Variants in IFT172 observed in about 807,000 individuals in gnomAD.
IFT172 encodes intraflagellar transport 172.
Under a neutral mutation model 248.9 loss-of-function variants are expected in IFT172, and 164 were observed. The observed-to-expected ratio is 0.66, with a 90% CI of 0.58 to 0.75. IFT172 has a LOEUF of 0.75. IFT172 is among the 30% of genes least tolerant of loss of function. IFT172 has a pLI of 0.00. For synonymous variants in IFT172, 729 were observed against 791.6 expected (o/e 0.92, Z 1.33); for missense variants, 1,950 against 2,192.4 (o/e 0.89, Z 2.21).
At chr2:27,462,658 C>G in intron 20 of IFT172, 43 bp downstream of exon 20, 1 of 1,538,448 alleles carries the variant, frequency 6.5e-7, no homozygotes, top group Non-Finnish European at 9.0e-7. Context: ...CTCTCTTTTT[C>G]CCTCATATCC....
rs866961042 is a variant in IFT172, at chr2:27,477,678, G to A, written c.1168-66C>T. 48 of 1,122,476 alleles carry A rather than the reference G, an allele frequency of 4.3e-5. No homozygotes were observed. The Middle Eastern group carries it at 2.3e-3, about 54-fold the overall frequency. 69.5% of individuals were successfully genotyped at this position (1,122,476 alleles called of 1,614,324 possible). ...CCCAAGATAATGCCGAAAGAATGAA[G>A]AATGACAGGTTGGGAAGTGGAAAGA... is the stretch of plus-strand genomic sequence containing the variant. On this transcript the variant is annotated intron_variant, in intron 11 of 47. Coordinates refer to ENST00000260570, the MANE Select transcript of IFT172 (RefSeq NM_015662.3).
At chr2:27,488,757 C>T (rs1260893102) in intron 1 of IFT172, among the ~76,000 whole-genome samples, 2 of 152,088 alleles carry the variant, frequency 1.3e-5, no homozygotes, top group African/African-American at 2.4e-5. Context: ...GTGAGTGCTC[C>T]GAGACATTGT....
At chr2:27,459,581 A>C (rs1019411648) in intron 24 of IFT172, 59 bp from the exon 25 acceptor site, 1 of 1,607,080 alleles carries the variant, frequency 6.2e-7, no homozygotes, top group Non-Finnish European at 8.5e-7. Flanking sequence ...GAATGGAGGT[A>C]AAAGGACCCT....
In IFT172 at chr2:27,463,168, A is replaced by C; in HGVS notation, c.1951T>G (p.Leu651Val). The change falls in exon 19 of 48, where the codon TTG becomes GTG. Residue 651 changes from leucine to valine, a missense_variant. Coordinates refer to ENST00000260570, the MANE Select transcript of IFT172 (RefSeq NM_015662.3). The stretch of plus-strand genomic sequence containing the variant: ...AATCGAGCTTTTGCTACTTGGCCCA[A>C]AGCAGAAAAGCACCTATGGCATGGA... ...LHIAERCFSA[L>V]GQVAKARFLH... 6.2e-7 allele frequency: 1 copy of C among 1,614,166 alleles called. No individual in the cohort carries two copies. Among genetic ancestry groups the C allele is most frequent in the African/African-American group, 1.3e-5 (1 of 75,048 alleles).
chr2:27,471,039 G>A lies in IFT172; in HGVS notation c.1581C>T (p.Ser527=). 1 of 1,613,536 alleles carries A rather than the reference G, an allele frequency of 6.2e-7. No individual in the cohort carries two copies. The highest frequency in any genetic ancestry group is 8.5e-7 in the Non-Finnish European group (1 of 1,179,856). The change falls in exon 16 of 48, where the codon TCC becomes TCT. Residue 527 remains serine (S), a synonymous_variant. Transcript: ENST00000260570. ...CACTTCCTGGGACCCACTGCATATAGGAGCAGAAGTTGAGGATCATTGTCT... is the reference window on the plus strand; with the variant it reads ...CACTTCCTGGGACCCACTGCATATAAGAGCAGAAGTTGAGGATCATTGTCT... ...CSKTMILNFC[S]YMQWVPGSDV...
intron 35 of IFT172, among the ~76,000 whole-genome samples, chr2:27,451,768 AAAACAAACAAACAAAAT>A (rs932595257): frequency 6.6e-6 from 1 of 152,114 alleles, no homozygotes; most frequent in African/African-American, 2.4e-5. Context: ...TCCGTCTCAA[AAAACAAACAAACAAAAT>A]AAACAAACAA....
At position 27,479,607 on chromosome 2, in the gene IFT172, A is replaced by G; in HGVS notation, c.910-3T>C. 1 of 1,586,470 alleles carries G rather than the reference A, an allele frequency of 6.3e-7. No individual in the cohort carries two copies. The highest frequency in any genetic ancestry group is 1.1e-5 in the South Asian group (1 of 90,494). The stretch of plus-strand genomic sequence containing the variant: ...TCCACCCCACCACATAGTGTGCCCT[A>G]GAAGGGAAAGTGACAGCATAAAAGG... On this transcript the variant is annotated splice_polypyrimidine_tract_variant and splice_region_variant and intron_variant, in intron 9 of 47. Coordinates refer to ENST00000260570, the MANE Select transcript of IFT172 (RefSeq NM_015662.3).
chr2:27,477,654 C>G (rs1169852285), intron 11 of IFT172, 42 bp from the exon 12 acceptor site: 2 of 1,309,206 alleles, frequency 1.5e-6, no homozygotes, highest in African/African-American at 2.9e-5. Flanking sequence ...GGATAAATAC[C>G]CAAGATAATG....
At position 27,459,753 on chromosome 2, in the gene IFT172, C is replaced by T; in HGVS notation, c.2598G>A (p.Gln866=). 2 of 1,613,058 alleles carry T rather than the reference C, an allele frequency of 1.2e-6. No individual in the cohort carries two copies. Among genetic ancestry groups the T allele is most frequent in the Non-Finnish European group, 1.7e-6 (2 of 1,180,030 alleles). ...LEEAWGDHLV[Q]QKQLDAAINH... ...TAATGGCTGCATCAAGCTGCTTCTG[C>T]TGCACCAGGTGGTCCCCCCATGCCT... The change falls in exon 24 of 48, where the codon CAG becomes CAA. Residue 866 remains glutamine (Q), a synonymous_variant. Coordinates refer to ENST00000260570, the MANE Select transcript of IFT172 (RefSeq NM_015662.3).
At position 27,445,346 on chromosome 2, in the gene IFT172, G is replaced by C; in HGVS notation, c.5018C>G (p.Ser1673Cys). The change falls in exon 46 of 48, where the codon TCC becomes TGC. Residue 1673 changes from serine to cysteine, a missense_variant. Transcript: ENST00000260570. The surrounding 1 kb of genome is among the most constrained non-coding windows in gnomAD (Gnocchi z 4.4). The stretch of plus-strand genomic sequence containing the variant: ...AACACCAGTGCTCGCTGCCACTAGG[G>C]AGGCCTCGTAGGCGCCACGCTCATC... ...PRDERGAYEA[S>C]LVAASTGVRA... 4 of 1,613,472 alleles carry C rather than the reference G, an allele frequency of 2.5e-6. No individual in the cohort carries two copies. The South Asian group carries it at 3.3e-5, about 13-fold the overall frequency.
chr2:27,445,523 G>C lies in IFT172; in HGVS notation c.4915-74C>G, dbSNP rs1474741405. 3.3e-6 allele frequency: 5 copies of C among 1,508,064 alleles called. No homozygotes were observed. Among genetic ancestry groups the C allele is most frequent in the Non-Finnish European group, 4.5e-6 (5 of 1,113,190 alleles). The allele number at this position is 1,508,064 out of a possible 1,614,324, so 93.4% of individuals were successfully genotyped here. A position where few individuals can be genotyped will look rare whatever the true frequency, so the allele number is the denominator to read the frequency against. On this transcript the variant is annotated intron_variant, in intron 45 of 47. Transcript: ENST00000260570. The surrounding 1 kb of genome is among the most constrained non-coding windows in gnomAD (Gnocchi z 4.4). ...ACAAGTTGGGGTGGATGGGTGAGGAGGGGGTTTGCTAAGCCCTCATCCTGT... is the reference window on the plus strand; with the variant it reads ...ACAAGTTGGGGTGGATGGGTGAGGACGGGGTTTGCTAAGCCCTCATCCTGT...
chr2:27,463,522 CTT>C (rs1666843457), intron 18 of IFT172, among the ~76,000 whole-genome samples: 2 of 137,878 alleles, frequency 1.5e-5, no homozygotes. Flanking sequence ...TTTTGTGATT[CTT>C]TTCTCTTTTT....
At position 27,483,641 on chromosome 2, in the gene IFT172, T is replaced by C. The variant is rs760582917; in HGVS notation, c.421A>G (p.Lys141Glu). The change falls in exon 6 of 48, where the codon AAA becomes GAA. Residue 141 changes from lysine (K) to glutamate (E), a missense_variant. Physicochemically the swap from Lys to Glu is moderately conservative, Grantham distance 56 (BLOSUM62 1). Around this residue, in one of 3 missense-constraint regions of IFT172, gnomAD observed 1,166 missense variants for 1,254.1 expected, o/e 0.93. Transcript: ENST00000260570. ...TAGATGGTAGATGATTTATTAGTTTTGGTGTTTGCTAAACGAACCTGAAAA... is the reference window on the plus strand; with the variant it reads ...TAGATGGTAGATGATTTATTAGTTTCGGTGTTTGCTAAACGAACCTGAAAA... ...AEGKVRLANTKTNKSSTIYGT... is the reference protein window; with the variant it reads ...AEGKVRLANTETNKSSTIYGT... 1.2e-6 allele frequency: 2 copies of C among 1,614,210 alleles called. No homozygotes were observed. Among genetic ancestry groups the C allele is most frequent in the Admixed American group, 3.3e-5 (2 of 60,020 alleles).
At chr2:27,473,825 G>A (rs538536943) in intron 14 of IFT172, among the ~76,000 whole-genome samples, 1 of 151,002 alleles carries the variant, frequency 6.6e-6, no homozygotes, top group East Asian at 1.9e-4. Context: ...TTTTTCCCCC[G>A]AGACAGAGTT....
In IFT172 at chr2:27,454,425, GGA is replaced by G. The variant is rs773373497; in HGVS notation, c.3466-9_3466-8del. ...CAGCCTCTTCGAATTTACCCTACAG[GGA>G]GAGAAAGGCAGCCGTGCATGATGAG... On this transcript the variant is annotated splice_region_variant and splice_polypyrimidine_tract_variant and intron_variant, in intron 31 of 47. Transcript: ENST00000260570. This position sits in a 1 kb window ranked among gnomAD's most constrained non-coding sequence, Gnocchi z 4.2. 8.7e-6 allele frequency: 14 copies of G among 1,614,146 alleles called. No individual in the cohort carries two copies. The highest frequency in any genetic ancestry group is 1.2e-5 in the Non-Finnish European group (14 of 1,180,046).
chr2:27,468,184 A>G (rs1667262685), intron 16 of IFT172, among the ~76,000 whole-genome samples: 2 of 151,372 alleles, frequency 1.3e-5, no homozygotes, highest in South Asian at 4.2e-4. Flanking sequence ...AATTATATCT[A>G]GACACATTGT....
Position 27,481,148 on chromosome 2 carries a change from A to C in IFT172, c.683T>G (p.Met228Arg). The C allele has an allele frequency of 1.2e-6, 2 of 1,613,824 alleles. No homozygotes were observed. The highest frequency in any genetic ancestry group is 4.5e-5 in the East Asian group (2 of 44,876). ...ACGGCTATAATCAAAAGTTTGTAGC[A>C]TGTGACCTTCTTTTCCATAGGCTAC... The part of the protein sequence containing the change: ...KIVAYGKEGH[M>R]LQTFDYSRDP... The change falls in exon 8 of 48, where the codon ATG becomes AGG. Residue 228 changes from methionine to arginine, a missense_variant. Coordinates refer to ENST00000260570, the MANE Select transcript of IFT172 (RefSeq NM_015662.3).
In IFT172 at chr2:27,445,933, G is replaced by A. The variant is rs115716101; in HGVS notation, c.4811C>T (p.Thr1604Ile). The A allele has an allele frequency of 1.2e-5, 19 of 1,614,192 alleles. No individual in the cohort carries two copies. In the African/African-American group the frequency reaches 2.3e-4, roughly 19 times the overall value. Residue 1604 changes from threonine to isoleucine, a missense_variant, in exon 44 of 48, where the codon ACC becomes ATC. Thr to Ile is a moderately conservative substitution (Grantham distance 89). This residue lies in a region of IFT172 where 620 missense variants were observed against 699.0 expected (regional missense o/e 0.89). Coordinates refer to ENST00000260570, the MANE Select transcript of IFT172 (RefSeq NM_015662.3). The surrounding 1 kb of genome is among the most constrained non-coding windows in gnomAD (Gnocchi z 4.4). ...FIFLNRFLDL[T>I]DAIEEGTLDG... ...GGGCACAGCTTCCCTACTCACATCG[G>A]TCAGGTCCAAAAAGCGATTGAGGAA...
chr2:27,489,048 T>C (rs1668972152), intron 1 of IFT172, among the ~76,000 whole-genome samples: 1 of 152,136 alleles, frequency 6.6e-6, no homozygotes, highest in South Asian at 2.1e-4. Flanking sequence ...AATAGTTAAA[T>C]AAAGTAGTGG....
Sources: gnomAD v4.1 joint callset for allele counts (sites outside exome capture counted in the v4.1 genomes callset) on GRCh38, gnomAD v4.1.1 for gene constraint, gnomAD v4.1.1 regional missense constraint, Gnocchi (gnomAD v3.1) non-coding constraint, MANE v1.5 for transcripts, NCBI Gene and HGNC (gene_info 2026-07-23, HGNC 2026-07-21) for gene names.